Variants in SORBS2 observed in about 807,000 individuals in gnomAD.
SORBS2 encodes the protein sorbin and SH3 domain containing 2, also known as sorbin and SH3 domain-containing protein 2.
In SORBS2, 46 loss-of-function variants were observed where a neutral mutation model predicts 97.7. That is an observed-to-expected ratio of 0.47 (90% CI 0.37 to 0.60). SORBS2 has a LOEUF of 0.60. Among genes scored for constraint, SORBS2 ranks in the 20% least tolerant of loss-of-function variants. The probability of loss-of-function intolerance (pLI) is 0.00; values close to 1 mark genes in which losing one functional copy is unlikely to be tolerated. For synonymous variants in SORBS2, 476 were observed against 473.4 expected (o/e 1.01, Z -0.07); for missense variants, 1,316 against 1,282.3 (o/e 1.03, Z -0.40).
In SORBS2 at chr4:185,615,513, A is replaced by AT. The variant is rs544439736; in HGVS notation, c.2352-355dup. ...AAAATGATGGAATAGTTCTGCACTGATTTTTTTTTTTTTTGTCCTGAAGCT... is the reference window on the plus strand; with the variant it reads ...AAAATGATGGAATAGTTCTGCACTGATTTTTTTTTTTTTTTGTCCTGAAGCT... On this transcript the variant is annotated intron_variant, in intron 9 of 14. Transcript: ENST00000418609. 9.3e-3 allele frequency among the ~76,000 whole-genome samples: 1,331 copies of AT among 143,224 alleles called. 12 individuals are homozygous for AT. Among genetic ancestry groups the AT allele is most frequent in the African/African-American group, 0.027 (1,080 of 39,356 alleles). 94.0% of individuals were successfully genotyped at this position (143,224 alleles called of 152,430 possible).
chr4:185,711,606 T>A (rs2098421151), intron 2 of SORBS2, among the ~76,000 whole-genome samples: 2 of 152,216 alleles, frequency 1.3e-5, no homozygotes. Flanking sequence ...TTCATCTTTT[T>A]GCATTATTTT....
At chr4:185,636,089 C>T (rs1354447610) in intron 4 of SORBS2, among the ~76,000 whole-genome samples, 3 of 152,088 alleles carry the variant, frequency 2.0e-5, no homozygotes, top group African/African-American at 7.2e-5. Flanking sequence ...GAACCCCTGA[C>T]CTCAAGTGTT....
intron 1 of SORBS2, among the ~76,000 whole-genome samples, chr4:185,891,701 T>C (rs555691197): frequency 6.6e-6 from 1 of 152,306 alleles, no homozygotes; most frequent in South Asian, 2.1e-4. Context: ...TTGGCAGAGA[T>C]TGATTTGAGC....
At chr4:185,651,792 T>C (rs745383342) in intron 2 of SORBS2, 4 of 1,507,948 alleles carry the variant, frequency 2.7e-6, no homozygotes, top group South Asian at 2.3e-5. Flanking sequence ...ACCTGCATTG[T>C]ATGTATAAGG....
chr4:185,724,656 GA>G (rs1230360526), intron 2 of SORBS2, among the ~76,000 whole-genome samples: 2 of 152,048 alleles, frequency 1.3e-5, no homozygotes, highest in African/African-American at 4.8e-5. Flanking sequence ...GCCACCCCAT[GA>G]CCTGACTCCA....
chr4:185,757,913 T>A (rs1181431629), intron 2 of SORBS2, among the ~76,000 whole-genome samples: 1 of 152,264 alleles, frequency 6.6e-6, no homozygotes, highest in African/African-American at 2.4e-5. Context: ...TGGAATATTT[T>A]CAAGCAATTG....
intron 1 of SORBS2, among the ~76,000 whole-genome samples, chr4:185,866,225 T>C (rs148017201): frequency 1.3e-5 from 2 of 152,198 alleles, no homozygotes; most frequent in Non-Finnish European, 2.9e-5. Context: ...AGTGCTGAGA[T>C]TAAATGTGCC....
At chr4:185,702,694 G>T (rs1486890584) in intron 2 of SORBS2, among the ~76,000 whole-genome samples, 1 of 151,760 alleles carries the variant, frequency 6.6e-6, no homozygotes, top group Admixed American at 6.6e-5. Context: ...GTGGGAGTCG[G>T]TGTTAAGCCT....
intron 1 of SORBS2, among the ~76,000 whole-genome samples, chr4:185,832,517 A>T (rs1158704804): frequency 1.3e-5 from 2 of 152,232 alleles, no homozygotes; most frequent in African/African-American, 4.8e-5. Flanking sequence ...GAATTTGGTC[A>T]CCATGGACGT....
chr4:185,834,655 T>G (rs2099207006), intron 1 of SORBS2, among the ~76,000 whole-genome samples: 1 of 152,172 alleles, frequency 6.6e-6, no homozygotes, highest in Non-Finnish European at 1.5e-5. Context: ...ATATTTCTAT[T>G]TAAAATAATT....
chr4:185,726,892 G>A (rs946838321), intron 2 of SORBS2, among the ~76,000 whole-genome samples: 3 of 152,150 alleles, frequency 2.0e-5, no homozygotes, highest in Non-Finnish European at 2.9e-5. Flanking sequence ...ATTTGGGCAT[G>A]CATCTTTAAA....
chr4:185,691,634 A>G (rs1234241709), intron 2 of SORBS2, among the ~76,000 whole-genome samples: 2 of 152,230 alleles, frequency 1.3e-5, no homozygotes, highest in African/African-American at 4.8e-5. Flanking sequence ...TGGTCACTAC[A>G]AAATCCATCT....
chr4:185,956,273 A>G (rs1460394424), exon 1 of SORBS2: 2 of 152,236 alleles, frequency 1.3e-5, no homozygotes, highest in African/African-American at 2.4e-5. Flanking sequence ...TTGGGCAGGT[A>G]TTCCTCTATT....
chr4:185,822,764 T>G (rs755025818), intron 1 of SORBS2, among the ~76,000 whole-genome samples: 1 of 152,218 alleles, frequency 6.6e-6, no homozygotes, highest in African/African-American at 2.4e-5. Flanking sequence ...TGGGAGATCC[T>G]GCAAACCATG....
intron 1 of SORBS2, among the ~76,000 whole-genome samples, chr4:185,899,509 G>A (rs1227052515): frequency 6.6e-6 from 1 of 151,972 alleles, no homozygotes; most frequent in African/African-American, 2.4e-5. Flanking sequence ...ATGGATCCCT[G>A]CAGCCTCCTG....
At chr4:185,871,110 C>G (rs2099230195) in intron 1 of SORBS2, among the ~76,000 whole-genome samples, 1 of 152,196 alleles carries the variant, frequency 6.6e-6, no homozygotes, top group Non-Finnish European at 1.5e-5. Flanking sequence ...CCCCTGTAAT[C>G]AAAACAATGT....
chr4:185,740,610 C>T (rs929702028), intron 2 of SORBS2, among the ~76,000 whole-genome samples: 3 of 152,134 alleles, frequency 2.0e-5, no homozygotes, highest in African/African-American at 7.2e-5. Context: ...AACATTAACT[C>T]AGCCCAACAC....
At chr4:185,636,442 T>C (rs2097003330) in intron 4 of SORBS2, among the ~76,000 whole-genome samples, 1 of 152,146 alleles carries the variant, frequency 6.6e-6, no homozygotes, top group South Asian at 2.1e-4. Flanking sequence ...GTAAACCATA[T>C]ATGGTCCATA....
chr4:185,788,856 A>G lies in SORBS2; in HGVS notation c.-337-13490T>C, dbSNP rs558718260. ...CTTGAACTCTGTTTTCGTGTTACAG[A>G]TTAAGATCTATCCACTTGGCCTATT... On this transcript the variant is annotated intron_variant, in intron 1 of 20. Coordinates refer to the SORBS2 transcript ENST00000284776. 2.0e-5 allele frequency among the ~76,000 whole-genome samples: 3 copies of G among 152,348 alleles called. No individual in the cohort carries two copies. The East Asian group carries it at 5.8e-4, about 29-fold the overall frequency.
Sources: allele counts gnomAD v4.1 joint callset (sites outside exome capture counted in the v4.1 genomes callset), GRCh38; gene constraint gnomAD v4.1.1; transcripts MANE v1.5; gene names NCBI Gene and HGNC (gene_info 2026-07-23, HGNC 2026-07-21).